Variants in TPD52 observed in about 807,000 individuals in gnomAD.
The protein encoded by TPD52 is tumor protein D52, also known as prostate and colon associated protein.
A neutral mutation model predicts 31.3 loss-of-function variants in TPD52; 17 were observed. The observed-to-expected ratio is 0.54, with a 90% CI of 0.37 to 0.82. The LOEUF is 0.82. Among genes scored for constraint, TPD52 ranks in the 40% least tolerant of loss-of-function variants. The probability of loss-of-function intolerance (pLI) is 0.00; values close to 1 mark genes in which losing one functional copy is unlikely to be tolerated. For missense variants in TPD52, 212 were observed against 240.1 expected, an observed-to-expected ratio of 0.88 and a Z score of 0.77; for synonymous variants, 83 against 89.6, an observed-to-expected ratio of 0.93 and a Z score of 0.42.
chr8:80,073,075 C>T (rs2130772826), intron 1 of TPD52, among the ~76,000 whole-genome samples: 2 of 151,954 alleles, frequency 1.3e-5, no homozygotes, highest in Admixed American at 1.3e-4. Context: ...TGCACTCCAG[C>T]CTGGGCAACA....
chr8:80,136,126 G>A (rs1809377753), intron 1 of TPD52, among the ~76,000 whole-genome samples: 3 of 118,294 alleles, frequency 2.5e-5, no homozygotes, highest in Non-Finnish European at 3.6e-5. Context: ...AAAACTTAAA[G>A]TATAATAAAA....
chr8:80,133,421 A>T (rs1322780718), intron 1 of TPD52, among the ~76,000 whole-genome samples: 1 of 152,028 alleles, frequency 6.6e-6, no homozygotes, highest in Non-Finnish European at 1.5e-5. Flanking sequence ...ACCCCCCTCA[A>T]ATTCAGAATC....
chr8:80,031,676 C>G (rs1389398458), downstream of TPD52, among the ~76,000 whole-genome samples: 1 of 151,878 alleles, frequency 6.6e-6, no homozygotes, highest in African/African-American at 2.4e-5. Context: ...TGGGCCATAG[C>G]AAGAACCAGT....
chr8:80,100,753 A>G (rs1806668676), intron 1 of TPD52, among the ~76,000 whole-genome samples: 1 of 152,194 alleles, frequency 6.6e-6, no homozygotes, highest in Non-Finnish European at 1.5e-5. Flanking sequence ...AAGGCAGGAG[A>G]AGACCAATGT....
At chr8:80,161,712 TTATA>T (rs1319779195) in intron 1 of TPD52, among the ~76,000 whole-genome samples, 38 of 140,590 alleles carry the variant, frequency 2.7e-4, no homozygotes, top group East Asian at 6.1e-4. Context: ...AAGAACACAT[TTATA>T]TATATATATA....
At chr8:80,078,197 C>A (rs1261684340) in intron 1 of TPD52, among the ~76,000 whole-genome samples, 1 of 152,200 alleles carries the variant, frequency 6.6e-6, no homozygotes, top group African/African-American at 2.4e-5. Context: ...GAACATCCTG[C>A]CCATAGATAA....
chr8:80,052,224 TGTG>T (rs1479497278), intron 3 of TPD52, among the ~76,000 whole-genome samples: 1 of 152,228 alleles, frequency 6.6e-6, no homozygotes, highest in Non-Finnish European at 1.5e-5. Flanking sequence ...ATTATTCTAG[TGTG>T]GTATCTGCTA....
chr8:80,149,813 G>A (rs1810451093), intron 1 of TPD52, among the ~76,000 whole-genome samples: 1 of 152,180 alleles, frequency 6.6e-6, no homozygotes. Flanking sequence ...GTATCTGGCA[G>A]AAGAAATTTC....
At chr8:80,050,021 T>C (rs541819133) in intron 5 of TPD52, among the ~76,000 whole-genome samples, 1 of 152,092 alleles carries the variant, frequency 6.6e-6, no homozygotes, top group East Asian at 1.9e-4. Context: ...CAGGAGGCAG[T>C]ACATATGCAG....
intron 1 of TPD52, among the ~76,000 whole-genome samples, chr8:80,111,770 A>T (rs2130983202): frequency 6.6e-6 from 1 of 152,356 alleles, no homozygotes; most frequent in South Asian, 2.1e-4. Flanking sequence ...TGGGTCAGGC[A>T]GAGCCAAGGA....
At chr8:80,031,854 G>A (rs1586109513), downstream of TPD52, among the ~76,000 whole-genome samples, 1 of 151,786 alleles carries the variant, frequency 6.6e-6, no homozygotes, top group Non-Finnish European at 1.5e-5. Flanking sequence ...CAAAACTCAA[G>A]TATCCGTAAA....
At chr8:80,074,775 A>C (rs1199875214) in intron 1 of TPD52, among the ~76,000 whole-genome samples, 3 of 152,200 alleles carry the variant, frequency 2.0e-5, no homozygotes, top group Admixed American at 2.0e-4. Flanking sequence ...GCAGCAGCTC[A>C]GGCCGTGACA....
chr8:80,056,769 T>C (rs1402168148), intron 2 of TPD52, among the ~76,000 whole-genome samples: 1 of 152,034 alleles, frequency 6.6e-6, no homozygotes, highest in Non-Finnish European at 1.5e-5. Flanking sequence ...GAATGTAAAA[T>C]GAAGTTGGGC....
At position 80,082,314 on chromosome 8, in the gene TPD52, A is replaced by G. The variant is rs1218913636; in HGVS notation, c.20-17721T>C. Among the ~76,000 whole-genome samples, 10 of 152,266 alleles carry G rather than the reference A, an allele frequency of 6.6e-5. No individual in the cohort carries two copies. In the East Asian group the frequency reaches 1.7e-3, roughly 26 times the overall value. ...TCCATGGCCTCTTACTGGGACAGGA[A>G]AGGCATTGGAGTTATGTCCCTAGAC... On this transcript the variant is annotated intron_variant, in intron 1 of 7. Coordinates refer to ENST00000518937, the MANE Select transcript of TPD52 (RefSeq NM_001025253.3).
chr8:80,106,341 A>ATTG (rs940451262), intron 1 of TPD52, among the ~76,000 whole-genome samples: 4 of 151,964 alleles, frequency 2.6e-5, no homozygotes, highest in Non-Finnish European at 5.9e-5. Context: ...CAGTAGGTTT[A>ATTG]TTGTTGTTGT....
At chr8:80,101,491 G>A (rs1447921673) in intron 1 of TPD52, among the ~76,000 whole-genome samples, 2 of 148,082 alleles carry the variant, frequency 1.4e-5, no homozygotes, top group Non-Finnish European at 3.0e-5. Flanking sequence ...TTAAGCAACT[G>A]TGTTAATCTG....
chr8:80,101,219 G>A (rs1458926416), intron 1 of TPD52, among the ~76,000 whole-genome samples: 3 of 152,108 alleles, frequency 2.0e-5, no homozygotes, highest in Non-Finnish European at 4.4e-5. Context: ...AGGCTGAGGC[G>A]GGCAGATCGC....
intron 1 of TPD52, among the ~76,000 whole-genome samples, chr8:80,121,934 G>A (rs1177751675): frequency 1.4e-5 from 2 of 143,700 alleles, no homozygotes; most frequent in Non-Finnish European, 3.0e-5. Context: ...TTATAATTAT[G>A]TAATTAATAA....
Position 80,124,259 on chromosome 8 carries a change from G to A in TPD52, c.19+47166C>T, listed in dbSNP as rs537328648. On this transcript the variant is annotated intron_variant, in intron 1 of 7. Coordinates refer to ENST00000518937, the MANE Select transcript of TPD52 (RefSeq NM_001025253.3). Reference sequence around the variant, plus strand: ...TTGCTCACTGCAATCTCGACCTCCCGGGCTCAAGTGATCCTCCTACCTCAG... The same window carrying A: ...TTGCTCACTGCAATCTCGACCTCCCAGGCTCAAGTGATCCTCCTACCTCAG... Among the ~76,000 whole-genome samples the A allele has an allele frequency of 1.6e-4, 24 of 151,864 alleles. 1 individual carries two copies. The highest frequency in any genetic ancestry group is 6.3e-4 in the South Asian group (3 of 4,788).
Sources: gnomAD v4.1 joint callset for allele counts (sites outside exome capture counted in the v4.1 genomes callset) on GRCh38, gnomAD v4.1.1 for gene constraint, MANE v1.5 for transcripts, NCBI Gene and HGNC (gene_info 2026-07-23, HGNC 2026-07-21) for gene names.